The following PCDH15 variants were observed in gnomAD, a reference collection of about 807,000 sequenced individuals.
The protein encoded by PCDH15 is protocadherin-15.
In PCDH15, 129 loss-of-function variants were observed where a neutral mutation model predicts 178.5. The ratio of observed to expected loss-of-function variants is 0.72; its 90% confidence interval spans 0.63 to 0.84. The LOEUF (loss-of-function observed/expected upper bound fraction) is 0.84, where lower values mean the gene tolerates loss of function less well. PCDH15 is among the 40% of genes least tolerant of loss of function. PCDH15 has a pLI of 0.00. For synonymous variants in PCDH15, 800 were observed against 732.0 expected, an observed-to-expected ratio of 1.09 and a Z score of -1.50; for missense variants, 2,230 against 2,099.9, an observed-to-expected ratio of 1.06 and a Z score of -1.21.
intron 21 of PCDH15, among the ~76,000 whole-genome samples, chr10:53,980,006 G>A (rs2090493108): frequency 6.6e-6 from 1 of 152,044 alleles, no homozygotes; most frequent in Non-Finnish European, 1.5e-5. Context: ...ATCACCTGAG[G>A]TCAAGAGTTC....
chr10:54,267,383 T>C (rs538178458), intron 8 of PCDH15, among the ~76,000 whole-genome samples: 57 of 151,960 alleles, frequency 3.8e-4, no homozygotes, highest in African/African-American at 8.9e-4. Context: ...ATATCCACTT[T>C]TACCACTCTT....
At chr10:54,350,800 GAGAT>G (rs1333157933) in intron 5 of PCDH15, among the ~76,000 whole-genome samples, 6 of 152,076 alleles carry the variant, frequency 3.9e-5, no homozygotes, top group East Asian at 3.9e-4. Flanking sequence ...TTTGAGAGTA[GAGAT>G]AGATAGATAG....
intron 2 of PCDH15, among the ~76,000 whole-genome samples, chr10:55,056,925 C>T (rs901250460): frequency 3.3e-5 from 5 of 151,984 alleles, no homozygotes; most frequent in Non-Finnish European, 7.4e-5. Context: ...TGAGCCACCC[C>T]GCCTTGCCAT....
At chr10:54,436,123 GAAAGAAAGAA>G (rs1417284071) in intron 3 of PCDH15, among the ~76,000 whole-genome samples, 1 of 145,076 alleles carries the variant, frequency 6.9e-6, no homozygotes, top group East Asian at 2.0e-4. Flanking sequence ...AAGAAGGAAA[GAAAGAAAGAA>G]AAAGAAAGAA....
At chr10:54,485,488 C>T (rs2079038783) in intron 3 of PCDH15, among the ~76,000 whole-genome samples, 2 of 151,910 alleles carry the variant, frequency 1.3e-5, no homozygotes, top group Non-Finnish European at 2.9e-5. Context: ...TTGCATAATG[C>T]TTGCTACATT....
At chr10:54,969,141 G>A (rs191173535) in intron 2 of PCDH15, among the ~76,000 whole-genome samples, 26 of 151,510 alleles carry the variant, frequency 1.7e-4, no homozygotes, top group Middle Eastern at 3.4e-3. Context: ...ACCTAGTAAT[G>A]TTTCATTGGA....
chr10:55,492,848 T>C (rs1056568834), intron 2 of PCDH15, among the ~76,000 whole-genome samples: 1 of 151,644 alleles, frequency 6.6e-6, no homozygotes, highest in African/African-American at 2.4e-5. Flanking sequence ...ACAAAATATA[T>C]GCTATCAATA....
At chr10:55,020,208 T>A (rs1840288413) in intron 2 of PCDH15, among the ~76,000 whole-genome samples, 1 of 151,032 alleles carries the variant, frequency 6.6e-6, no homozygotes, top group Non-Finnish European at 1.5e-5. Context: ...CAGGCACTTT[T>A]ATTGAGCACT....
chr10:53,859,035 C>CA (rs2078937743), intron 27 of PCDH15, among the ~76,000 whole-genome samples: 1 of 151,504 alleles, frequency 6.6e-6, no homozygotes. Context: ...CCCTCTCCTC[C>CA]TTTTTTTCTT....
At chr10:55,328,913 C>CATATATATATATATATATATAT (rs56104592) in intron 2 of PCDH15, among the ~76,000 whole-genome samples, 2 of 111,330 alleles carry the variant, frequency 1.8e-5, no homozygotes, top group South Asian at 3.2e-4. Flanking sequence ...TTCACACAAA[C>CATATATATATATATATATATAT]ATATATATAT....
chr10:53,840,311 A>G lies in PCDH15; in HGVS notation c.3983+9T>C, dbSNP rs982615149. The G allele has an allele frequency of 3.1e-6, 5 of 1,613,392 alleles. No individual in the cohort carries two copies. The highest frequency in any genetic ancestry group is 3.4e-6 in the Non-Finnish European group (4 of 1,179,404). On this transcript the variant is annotated intron_variant, in intron 29 of 37. Transcript: ENST00000644397. ...CAAAGAGCTGTTACAGATAACAAAA[A>G]GCACTTACTTAAAAAGCTCATTTCT...
chr10:53,837,740 A>T (rs1054725082), intron 29 of PCDH15, among the ~76,000 whole-genome samples: 1 of 148,060 alleles, frequency 6.8e-6, no homozygotes, highest in African/African-American at 2.4e-5. Context: ...TGGCATTATC[A>T]GCCTTGGAAA....
chr10:54,995,557 A>G (rs901866172), intron 2 of PCDH15, among the ~76,000 whole-genome samples: 1 of 151,970 alleles, frequency 6.6e-6, no homozygotes, highest in Non-Finnish European at 1.5e-5. Flanking sequence ...AAATGGTGTC[A>G]GTGAAACTGG....
At chr10:54,927,137 T>C (rs912729193) in intron 2 of PCDH15, among the ~76,000 whole-genome samples, 1 of 152,128 alleles carries the variant, frequency 6.6e-6, no homozygotes, top group African/African-American at 2.4e-5. Flanking sequence ...TGGTGTGTTG[T>C]ATACTTGTTC....
At position 53,822,391 on chromosome 10, in the gene PCDH15, G is replaced by A. The variant is rs1421385928; in HGVS notation, c.4368-2161C>T. The A allele has an allele frequency of 1.4e-5, 22 of 1,570,548 alleles. No homozygotes were observed. Among genetic ancestry groups the A allele is most frequent in the Admixed American group, 1.9e-5 (1 of 52,994 alleles). On this transcript the variant is annotated intron_variant, in intron 32 of 37. Transcript: ENST00000644397. ...GGGATAGAAGGAGGAGAGGGAGGAG[G>A]ACAAAAAAGAGAAAAAGGAGAAATG...
chr10:54,416,533 C>T (rs1003195424), intron 3 of PCDH15, among the ~76,000 whole-genome samples: 5 of 152,086 alleles, frequency 3.3e-5, no homozygotes, highest in African/African-American at 4.8e-5. Context: ...CACTGATAGA[C>T]ATTTGGGTTT....
At chr10:55,413,281 C>T (rs1838388294) in intron 2 of PCDH15, among the ~76,000 whole-genome samples, 1 of 150,826 alleles carries the variant, frequency 6.6e-6, no homozygotes, top group Non-Finnish European at 1.5e-5. Flanking sequence ...ATTTTCAAAT[C>T]CTGGCAATAA....
At chr10:55,129,937 T>C (rs1250347874) in intron 2 of PCDH15, among the ~76,000 whole-genome samples, 1 of 152,166 alleles carries the variant, frequency 6.6e-6, no homozygotes, top group East Asian at 1.9e-4. Context: ...GGCTATATAT[T>C]GAAATTACCT....
At chr10:53,874,608 C>A (rs2080094231) in intron 26 of PCDH15, among the ~76,000 whole-genome samples, 1 of 152,224 alleles carries the variant, frequency 6.6e-6, no homozygotes, top group Admixed American at 6.5e-5. Context: ...CTGACAGAAG[C>A]AGGTGCTTTT....
Sources: allele counts gnomAD v4.1 joint callset (sites outside exome capture counted in the v4.1 genomes callset), GRCh38; gene constraint gnomAD v4.1.1; transcripts MANE v1.5; gene names NCBI Gene and HGNC (gene_info 2026-07-23, HGNC 2026-07-21).